DCC: variants seen among roughly 807,000 people sequenced by gnomAD.
The protein encoded by DCC is DCC netrin 1 receptor.
A neutral mutation model predicts 172.5 loss-of-function variants in DCC; 58 were observed. The observed-to-expected ratio is 0.34, with a 90% CI of 0.27 to 0.42. The LOEUF is 0.42. Among genes scored for constraint, DCC ranks in the 10% least tolerant of loss-of-function variants. DCC has a pLI of 1.00. For missense variants in DCC, 1,740 were observed against 1,791.0 expected (o/e 0.97, Z 0.51); for synonymous variants, 709 against 644.5 (o/e 1.10, Z -1.52).
chr18:52,460,305 A>AG (rs1988592315), intron 1 of DCC, among the ~76,000 whole-genome samples: 1 of 152,124 alleles, frequency 6.6e-6, no homozygotes, highest in South Asian at 2.1e-4. Context: ...AATTGTCTCC[A>AG]TATGGCTAAA....
chr18:53,063,287 T>A lies in DCC; in HGVS notation c.986-18T>A. ...CATCCCCACCCACTCACTCACTTTT[T>A]TTTTTCTGTCTTTGCAGTTCCGCCA... On this transcript the variant is annotated intron_variant, in intron 5 of 28. Transcript: ENST00000442544. 1 of 1,613,082 alleles carries A rather than the reference T, an allele frequency of 6.2e-7. No individual in the cohort carries two copies. The highest frequency in any genetic ancestry group is 8.5e-7 in the Non-Finnish European group (1 of 1,179,304).
At chr18:52,647,613 G>T (rs1000727226) in intron 1 of DCC, among the ~76,000 whole-genome samples, 2 of 152,246 alleles carry the variant, frequency 1.3e-5, no homozygotes, top group East Asian at 3.9e-4. Context: ...CCGTAGGTCT[G>T]GTTCAATTCG....
At chr18:53,469,335 A>C (rs1362794412) in intron 25 of DCC, among the ~76,000 whole-genome samples, 2 of 152,202 alleles carry the variant, frequency 1.3e-5, no homozygotes, top group African/African-American at 4.8e-5. Context: ...CTTACTGAAT[A>C]TTTATGACCA....
At chr18:53,268,616 G>A (rs1020482867) in intron 12 of DCC, among the ~76,000 whole-genome samples, 1 of 151,574 alleles carries the variant, frequency 6.6e-6, no homozygotes, top group African/African-American at 2.4e-5. Context: ...ATTTGGCCTT[G>A]AAAAAAAATG....
chr18:52,681,326 A>G (rs1405649786), intron 1 of DCC, among the ~76,000 whole-genome samples: 6 of 152,042 alleles, frequency 3.9e-5, no homozygotes, highest in African/African-American at 1.4e-4. Context: ...ACATTTATCT[A>G]CATATCAACT....
chr18:53,066,512 T>A (rs1223728507), intron 7 of DCC, among the ~76,000 whole-genome samples: 3 of 149,726 alleles, frequency 2.0e-5, no homozygotes, highest in Non-Finnish European at 4.4e-5. Flanking sequence ...AACCACTAAA[T>A]TATTACCTTC....
chr18:52,777,823 G>A lies in DCC; in HGVS notation c.412+25449G>A, dbSNP rs560190618. 1.6e-4 allele frequency among the ~76,000 whole-genome samples: 25 copies of A among 152,100 alleles called. No homozygotes were observed. The South Asian group carries it at 3.3e-3, about 20-fold the overall frequency. On this transcript the variant is annotated intron_variant, in intron 2 of 28. Coordinates refer to ENST00000442544, the MANE Select transcript of DCC (RefSeq NM_005215.4). ...GGATGTTTGAGGGAGCAAATGAGGC[G>A]ATTATAAAGGCAAATTTTTTTAAGT... is the stretch of plus-strand genomic sequence containing the variant.
At chr18:52,508,459 G>A (rs965163121) in intron 1 of DCC, among the ~76,000 whole-genome samples, 2 of 152,070 alleles carry the variant, frequency 1.3e-5, no homozygotes, top group Non-Finnish European at 2.9e-5. Context: ...ATATTAAACA[G>A]ATGTTGAACC....
At chr18:52,393,631 A>G (rs1173821333) in intron 1 of DCC, among the ~76,000 whole-genome samples, 1 of 152,112 alleles carries the variant, frequency 6.6e-6, no homozygotes, top group African/African-American at 2.4e-5. Context: ...CTAAATCATA[A>G]TATCTGGGAC....
At chr18:52,487,293 G>C (rs754486730) in intron 1 of DCC, among the ~76,000 whole-genome samples, 1 of 152,066 alleles carries the variant, frequency 6.6e-6, no homozygotes, top group Non-Finnish European at 1.5e-5. Context: ...AACTAGAAGG[G>C]CTCAAAGTGT....
chr18:53,349,142 T>C (rs1241487904), intron 15 of DCC, among the ~76,000 whole-genome samples: 1 of 152,196 alleles, frequency 6.6e-6, no homozygotes, highest in Admixed American at 6.5e-5. Flanking sequence ...TCTTGAATGC[T>C]TTGCTGCTGA....
At chr18:52,642,338 G>T (rs997216014) in intron 1 of DCC, among the ~76,000 whole-genome samples, 1 of 151,590 alleles carries the variant, frequency 6.6e-6, no homozygotes, top group Non-Finnish European at 1.5e-5. Context: ...TGGGAGGGGG[G>T]CAAGGGATAG....
At chr18:53,377,352 TGAGAGAGAGAGAGAGAGAGAGAGA>T (rs59629030) in intron 15 of DCC, among the ~76,000 whole-genome samples, 6 of 137,298 alleles carry the variant, frequency 4.4e-5, no homozygotes, top group Admixed American at 1.5e-4. Context: ...AAGATGCATT[TGAGAGAGAGAGAGAGAGAGAGAGA>T]GAGAGAGAGA....
chr18:53,063,187 A>T, intron 5 of DCC, 118 bp from the exon 6 acceptor site: 1 of 985,560 alleles, frequency 1.0e-6, no homozygotes, highest in Non-Finnish European at 1.6e-6. Context: ...TTAGGGAATG[A>T]TTTGAATTAT....
chr18:53,332,433 T>G (rs2144850842), intron 14 of DCC, among the ~76,000 whole-genome samples: 1 of 152,228 alleles, frequency 6.6e-6, no homozygotes, highest in African/African-American at 2.4e-5. Flanking sequence ...ACAAAATTTG[T>G]AGAATAGCTA....
Position 53,305,630 on chromosome 18 carries a change from T to G in DCC, c.1964T>G (p.Ile655Ser), listed in dbSNP as rs1236370142. ...PPPSGTQNGF[I>S]TGYKIRHRKT... ...CCATCAGGAACACAAAATGGATTTATTACCGGCTATAAAATTCGACACAGA... is the reference window on the plus strand; with the variant it reads ...CCATCAGGAACACAAAATGGATTTAGTACCGGCTATAAAATTCGACACAGA... Residue 655 changes from isoleucine to serine, a missense_variant, in exon 13 of 29, where the codon ATT becomes AGT. Ile to Ser is a moderately radical substitution (Grantham distance 142, BLOSUM62 -2). This residue lies in a region of DCC where 1,732 missense variants were observed against 1,767.4 expected (regional missense o/e 0.98). Coordinates refer to ENST00000442544, the MANE Select transcript of DCC (RefSeq NM_005215.4). The G allele has an allele frequency of 6.2e-7, 1 of 1,613,730 alleles. No individual in the cohort carries two copies. Among genetic ancestry groups the G allele is most frequent in the African/African-American group, 1.3e-5 (1 of 75,038 alleles).
chr18:52,936,080 C>A (rs2040378268), intron 5 of DCC, among the ~76,000 whole-genome samples: 1 of 151,960 alleles, frequency 6.6e-6, no homozygotes, highest in Non-Finnish European at 1.5e-5. Context: ...GGGTTTTGAT[C>A]CTAAATGTAG....
chr18:53,188,165 T>C (rs1415134903), intron 9 of DCC, among the ~76,000 whole-genome samples: 1 of 152,202 alleles, frequency 6.6e-6, no homozygotes, highest in Non-Finnish European at 1.5e-5. Context: ...AGATAGTAGA[T>C]TCCAACCATT....
intron 1 of DCC, among the ~76,000 whole-genome samples, chr18:52,389,147 C>T (rs937614318): frequency 3.9e-5 from 6 of 152,002 alleles, no homozygotes; most frequent in South Asian, 2.1e-4. Flanking sequence ...TTCATCTTGT[C>T]GATGAGTTCA....
Sources: gnomAD v4.1 joint callset for allele counts (sites outside exome capture counted in the v4.1 genomes callset) on GRCh38, gnomAD v4.1.1 for gene constraint, gnomAD v4.1.1 regional missense constraint, MANE v1.5 for transcripts, NCBI Gene and HGNC (gene_info 2026-07-23, HGNC 2026-07-21) for gene names.